PIK3C2G: variants seen among roughly 807,000 people sequenced by gnomAD.
PIK3C2G encodes the protein phosphatidylinositol-4-phosphate 3-kinase catalytic subunit type 2 gamma, also known as phosphatidylinositol 3-kinase C2 domain-containing subunit gamma.
In PIK3C2G, 168 loss-of-function variants were observed where a neutral mutation model predicts 181.1. That is an observed-to-expected ratio of 0.93 (90% CI 0.82 to 1.05). The LOEUF (loss-of-function observed/expected upper bound fraction) is 1.05. Ranked by LOEUF, PIK3C2G falls within the 50% of genes least tolerant of loss-of-function variation. The pLI, the probability that PIK3C2G is intolerant of heterozygous loss-of-function variation, is 0.00. For synonymous variants in PIK3C2G, 573 were observed against 592.2 expected (o/e 0.97, Z 0.47); for missense variants, 1,869 against 1,732.8 (o/e 1.08, Z -1.40).
chr12:18,567,791 G>C (rs1037960827), intron 29 of PIK3C2G, among the ~76,000 whole-genome samples: 1 of 152,124 alleles, frequency 6.6e-6, no homozygotes, highest in African/African-American at 2.4e-5. Context: ...GCTGTGACAA[G>C]TTACCACACA....
At position 18,473,074 on chromosome 12, in the gene PIK3C2G, G is replaced by T. The variant is rs555413783; in HGVS notation, c.2505-15375G>T. 6.6e-5 allele frequency among the ~76,000 whole-genome samples: 10 copies of T among 152,188 alleles called. No individual in the cohort carries two copies. The East Asian group carries it at 1.9e-3, about 30-fold the overall frequency. Reference sequence around the variant, plus strand: ...AGAGCTCTCTCAGAGTGTGAAAGGGGAAACCAAAACAAGCAGTGGTCTAGG... The same window carrying T: ...AGAGCTCTCTCAGAGTGTGAAAGGGTAAACCAAAACAAGCAGTGGTCTAGG... On this transcript the variant is annotated intron_variant, in intron 18 of 32. Coordinates refer to ENST00000538779, the MANE Select transcript of PIK3C2G (RefSeq NM_001288772.2).
intron 32 of PIK3C2G, among the ~76,000 whole-genome samples, chr12:18,643,265 A>G (rs1052317693): frequency 6.6e-6 from 1 of 152,130 alleles, no homozygotes; most frequent in Non-Finnish European, 1.5e-5. Context: ...ATTAAAACTC[A>G]CTACAAATCT....
intron 16 of PIK3C2G, among the ~76,000 whole-genome samples, chr12:18,414,440 G>C (rs1945053370): frequency 6.6e-6 from 1 of 151,918 alleles, no homozygotes; most frequent in Admixed American, 6.6e-5. Flanking sequence ...TAATCATATT[G>C]AGAGACATAT....
chr12:18,531,249 G>C (rs1449558546), intron 24 of PIK3C2G, among the ~76,000 whole-genome samples: 1 of 151,626 alleles, frequency 6.6e-6, no homozygotes, highest in African/African-American at 2.4e-5. Context: ...TCTATGTCAA[G>C]GTTTCTATCA....
chr12:18,334,610 C>T (rs1419494670), intron 8 of PIK3C2G, among the ~76,000 whole-genome samples: 9 of 151,650 alleles, frequency 5.9e-5, no homozygotes, highest in Non-Finnish European at 1.3e-4. Context: ...TGTTATGCAC[C>T]CAGTGTTCAA....
chr12:18,251,122 T>C (rs996238334), intron 1 of PIK3C2G, among the ~76,000 whole-genome samples: 1 of 152,004 alleles, frequency 6.6e-6, no homozygotes, highest in Non-Finnish European at 1.5e-5. Flanking sequence ...TAGCATTATA[T>C]GTAATAAATT....
intron 26 of PIK3C2G, among the ~76,000 whole-genome samples, chr12:18,546,675 C>T (rs1410093567): frequency 1.3e-5 from 2 of 151,930 alleles, no homozygotes; most frequent in Non-Finnish European, 2.9e-5. Flanking sequence ...ACAGATTGCT[C>T]AATAAGAGGT....
intron 18 of PIK3C2G, among the ~76,000 whole-genome samples, chr12:18,482,806 C>T (rs916802666): frequency 6.6e-6 from 1 of 152,158 alleles, no homozygotes; most frequent in African/African-American, 2.4e-5. Flanking sequence ...GATAAGTGGA[C>T]ATCGTGGACT....
downstream of PIK3C2G, among the ~76,000 whole-genome samples, chr12:18,653,154 A>C (rs1950592137): frequency 6.6e-6 from 1 of 152,148 alleles, no homozygotes; most frequent in Admixed American, 6.6e-5. Context: ...ATCATAAAAC[A>C]AAGTGGTTGC....
At chr12:18,314,227 A>G (rs1950763714) in intron 6 of PIK3C2G, among the ~76,000 whole-genome samples, 163 bp downstream of exon 6, 1 of 152,194 alleles carries the variant, frequency 6.6e-6, no homozygotes. Context: ...TCTAAATATA[A>G]ATACCTGTTA....
intron 28 of PIK3C2G, among the ~76,000 whole-genome samples, chr12:18,565,429 A>G (rs1197258344): frequency 2.0e-5 from 3 of 152,284 alleles, no homozygotes; most frequent in East Asian, 3.9e-4. Flanking sequence ...CAACCATCCA[A>G]AATTTTATTT....
chr12:18,512,094 G>A (rs962993740), intron 24 of PIK3C2G, among the ~76,000 whole-genome samples: 3 of 151,820 alleles, frequency 2.0e-5, no homozygotes, highest in Non-Finnish European at 4.4e-5. Context: ...TGTGTTCTTG[G>A]CACCTTTGTC....
chr12:18,723,472 T>C, the PIK3C2G span: 4 of 1,613,094 alleles, frequency 2.5e-6, no homozygotes, highest in South Asian at 4.4e-5. Context: ...TTCTTCTCTG[T>C]GCGTGATAAT....
intron 25 of PIK3C2G, among the ~76,000 whole-genome samples, chr12:18,543,076 A>G (rs751532326): frequency 6.6e-6 from 1 of 151,826 alleles, no homozygotes; most frequent in Non-Finnish European, 1.5e-5. Context: ...TTTTAGTAAT[A>G]GCCATTCTGA....
At chr12:18,585,935 C>A (rs1035310198) in intron 29 of PIK3C2G, among the ~76,000 whole-genome samples, 1 of 152,138 alleles carries the variant, frequency 6.6e-6, no homozygotes. Flanking sequence ...AAACAGCTTA[C>A]TCCTGAATGA....
At chr12:18,306,036 G>A (rs763600548) in intron 5 of PIK3C2G, among the ~76,000 whole-genome samples, 2 of 151,390 alleles carry the variant, frequency 1.3e-5, no homozygotes, top group African/African-American at 2.4e-5. Flanking sequence ...TTGCAAACTT[G>A]AGAGTTGTTA....
chr12:18,386,450 C>T (rs187933588), intron 14 of PIK3C2G, among the ~76,000 whole-genome samples: 196 of 152,248 alleles, frequency 1.3e-3, no homozygotes, highest in Non-Finnish European at 2.0e-3. Context: ...ACCTCCTATT[C>T]CCCCAATCCT....
At position 18,588,078 on chromosome 12, in the gene PIK3C2G, T is replaced by A. The variant is rs564545732; in HGVS notation, c.4012-6416T>A. ...AGAAGACTGAAACTGGACCCCTTCT[T>A]TATGCCATATACAAAATCCACTCAA... On this transcript the variant is annotated intron_variant, in intron 29 of 32. Transcript: ENST00000538779. 5.8e-3 allele frequency among the ~76,000 whole-genome samples: 884 copies of A among 152,140 alleles called. 2 individuals are homozygous for A. Among genetic ancestry groups the A allele is most frequent in the Middle Eastern group, 0.01 (3 of 292 alleles).
At chr12:18,520,015 A>G in intron 24 of PIK3C2G, among the ~76,000 whole-genome samples, 1 of 151,164 alleles carries the variant, frequency 6.6e-6, no homozygotes, top group East Asian at 1.9e-4. Context: ...AAAAAAAAAA[A>G]AAAAAAAAAA....
Sources: allele counts gnomAD v4.1 joint callset (sites outside exome capture counted in the v4.1 genomes callset), GRCh38; gene constraint gnomAD v4.1.1; transcripts MANE v1.5; gene names NCBI Gene and HGNC (gene_info 2026-07-23, HGNC 2026-07-21).